TOM1: variants seen among roughly 807,000 people sequenced by gnomAD.
The protein encoded by TOM1 is target of Myb protein 1.
Under a neutral mutation model 61.3 loss-of-function variants are expected in TOM1, and 38 were observed. The ratio of observed to expected loss-of-function variants is 0.62; its 90% CI spans 0.48 to 0.81. TOM1 has a LOEUF of 0.81. TOM1 is among the 40% of genes least tolerant of loss of function. The probability of loss-of-function intolerance (pLI) is 0.00; values close to 1 mark genes in which losing one functional copy is unlikely to be tolerated. For synonymous variants in TOM1, 270 were observed against 268.8 expected (o/e 1.00, Z -0.04); for missense variants, 591 against 659.6 (o/e 0.90, Z 1.14).
intron 1 of TOM1, among the ~76,000 whole-genome samples, chr22:35,312,790 G>T (rs569872293): frequency 6.6e-6 from 1 of 152,200 alleles, no homozygotes. Context: ...AGAGGAAGGG[G>T]GTACAGCTGA....
chr22:35,337,012 T>G, intron 11 of TOM1, among the ~76,000 whole-genome samples: 1 of 148,590 alleles, frequency 6.7e-6, no homozygotes. Flanking sequence ...GCTTGCAGAG[T>G]GCAAGCTCCA....
At position 35,301,277 on chromosome 22, in the gene TOM1, TATACAC is replaced by T. The variant is rs1395595204; in HGVS notation, c.52+1303_52+1308del. 6.0e-5 allele frequency among the ~76,000 whole-genome samples: 9 copies of T among 151,226 alleles called. No individual in the cohort carries two copies. In the East Asian group the frequency reaches 1.2e-3, roughly 20 times the overall value. On this transcript the variant is annotated intron_variant, in intron 1 of 14. Transcript: ENST00000449058. Reference sequence around the variant, plus strand: ...ACACACGCACACATATATATAAAAATATACACATACAAACATACATATACATACACA... The same window carrying T: ...ACACACGCACACATATATATAAAAATATACAAACATACATATACATACACA...
chr22:35,317,194 G>A (rs1485277073), intron 1 of TOM1, among the ~76,000 whole-genome samples: 4 of 151,980 alleles, frequency 2.6e-5, no homozygotes, highest in African/African-American at 9.7e-5. Flanking sequence ...TTTTTTGCTT[G>A]TTTGTTTGTT....
intron 2 of TOM1, among the ~76,000 whole-genome samples, chr22:35,318,759 T>A (rs1927522814): frequency 6.6e-6 from 1 of 152,020 alleles, no homozygotes; most frequent in Admixed American, 6.5e-5. Context: ...TGGGCAGAGG[T>A]GTGGGAGCCG....
intron 8 of TOM1, chr22:35,331,472 G>C: frequency 2.9e-6 from 1 of 350,558 alleles, no homozygotes; most frequent in Non-Finnish European, 5.7e-6. Context: ...GATTGGCTGA[G>C]CTTCATTGTG....
intron 1 of TOM1, among the ~76,000 whole-genome samples, chr22:35,312,423 G>A (rs2145625978): frequency 6.6e-6 from 1 of 152,168 alleles, no homozygotes; most frequent in East Asian, 1.9e-4. Context: ...GGACCTTGCT[G>A]GATTTGCTCA....
intron 9 of TOM1, 67 bp downstream of exon 9, chr22:35,333,081 C>A: frequency 6.6e-7 from 1 of 1,520,078 alleles, no homozygotes. Context: ...CCATTCTCAC[C>A]TCCCTCCCCT....
rs1930569524 is a variant in TOM1, at chr22:35,347,047, TC to T, written c.1325-6del. On this transcript the variant is annotated splice_region_variant and splice_polypyrimidine_tract_variant and intron_variant, in intron 14 of 14. Transcript: ENST00000449058. ...AGGGCCTACCCTCACCCTCTCCCCT[TC>T]CTCTAGAATTTGACAAATTCCTGGA... 1.2e-6 allele frequency: 2 copies of T among 1,604,002 alleles called. No homozygotes were observed. The highest frequency in any genetic ancestry group is 3.4e-5 in the Admixed American group (2 of 59,490).
intron 13 of TOM1, 143 bp from the exon 14 acceptor site, chr22:35,346,787 G>A: frequency 1.3e-6 from 1 of 741,750 alleles, no homozygotes; most frequent in South Asian, 1.8e-5. Context: ...CAGGTCCTGG[G>A]ACCTGGGTGG....
chr22:35,299,889 C>T (rs1476516030), upstream of TOM1: 2 of 1,565,690 alleles, frequency 1.3e-6, no homozygotes, highest in Admixed American at 3.7e-5. Flanking sequence ...CGGTTGCTGT[C>T]AGCTGATTCC....
intron 11 of TOM1, among the ~76,000 whole-genome samples, chr22:35,338,061 C>G (rs927750888): frequency 2.0e-5 from 3 of 152,190 alleles, no homozygotes; most frequent in South Asian, 2.1e-4. Context: ...CTCATCTGCC[C>G]AGCAACTGTG....
chr22:35,323,409 A>C lies in TOM1; in HGVS notation c.367-87A>C. The stretch of plus-strand genomic sequence containing the variant: ...TTAAAAAAAAAAAAAAAGCAGGGAA[A>C]GAATGTCTGTTCTCTGTCTGAGTGC... On this transcript the variant is annotated intron_variant, in intron 4 of 14. Coordinates refer to ENST00000449058, the MANE Select transcript of TOM1 (RefSeq NM_005488.3). The surrounding 1 kb of genome is among the most constrained non-coding windows in gnomAD (Gnocchi z 4.2). 1 of 1,515,472 alleles carries C rather than the reference A, an allele frequency of 6.6e-7. No homozygotes were observed. The highest frequency in any genetic ancestry group is 8.9e-7 in the Non-Finnish European group (1 of 1,129,482). 93.9% of individuals were successfully genotyped at this position (1,515,472 alleles called of 1,614,324 possible).
At position 35,332,996 on chromosome 22, in the gene TOM1, A is replaced by C. The variant is rs576766745; in HGVS notation, c.915A>C (p.Arg305=). 1.2e-6 allele frequency: 2 copies of C among 1,614,224 alleles called. No homozygotes were observed. Among genetic ancestry groups the C allele is most frequent in the South Asian group, 2.2e-5 (2 of 91,088 alleles). The change falls in exon 9 of 15, where the codon CGA becomes CGC. Residue 305 remains arginine, a synonymous_variant. Transcript: ENST00000449058. ...TGTCTTGTAGGTTTGAACGGTTCCG[A>C]ACAGGCCAGACCACCAAGGTAAAAG... ...FLRHERFERF[R]TGQTTKAPSE...
In TOM1 at chr22:35,307,462, G is replaced by A. The variant is rs7286881; in HGVS notation, c.52+7482G>A. Among the ~76,000 whole-genome samples the A allele has an allele frequency of 6.5e-3, 985 of 152,316 alleles. 8 individuals carry two copies. The highest frequency in any genetic ancestry group is 0.031 in the Middle Eastern group (9 of 294). ...GCTCATTTTGATCACTGGGACGTAA[G>A]CAGCCTGAAATGGGGTCACAGCTTA... On this transcript the variant is annotated intron_variant, in intron 1 of 14. Transcript: ENST00000449058.
intron 1 of TOM1, among the ~76,000 whole-genome samples, chr22:35,312,239 G>A (rs1056923148): frequency 6.5e-5 from 8 of 123,070 alleles, no homozygotes; most frequent in East Asian, 2.3e-4. Context: ...ACAAGACTCC[G>A]TCTCAAAAAA....
intron 11 of TOM1, among the ~76,000 whole-genome samples, chr22:35,338,425 A>G (rs1414301644): frequency 6.6e-6 from 1 of 152,066 alleles, no homozygotes; most frequent in African/African-American, 2.4e-5. Flanking sequence ...CACTGGAGCT[A>G]TTTATCAGTC....
rs566792976 is a variant in TOM1, at chr22:35,345,772, G to A, written c.1272G>A (p.Leu424=). ...ACLMEDIEQW[L]STDVGNDAEE... The stretch of plus-strand genomic sequence containing the variant: ...TCATGGAGGACATCGAGCAGTGGCT[G>A]TCCACTGACGTGGTATGTTGGGGCC... Residue 424 remains leucine, a synonymous_variant, in exon 13 of 15, where the codon CTG becomes CTA. Transcript: ENST00000449058. 1.6e-4 allele frequency: 251 copies of A among 1,614,094 alleles called. 1 individual carries two copies. In the African/African-American group the frequency reaches 2.9e-3, roughly 19 times the overall value.
At chr22:35,305,673 A>T (rs1195469501) in intron 1 of TOM1, among the ~76,000 whole-genome samples, 6 of 140,842 alleles carry the variant, frequency 4.3e-5, no homozygotes, top group Non-Finnish European at 8.0e-5. Flanking sequence ...AAAAAAAAAA[A>T]ACTGATGGGT....
At chr22:35,305,549 A>G (rs1315103690) in intron 1 of TOM1, among the ~76,000 whole-genome samples, 1 of 152,150 alleles carries the variant, frequency 6.6e-6, no homozygotes, top group East Asian at 1.9e-4. Context: ...AGTCCCAGCA[A>G]CTTGGGAGGC....
Sources: allele counts gnomAD v4.1 joint callset (sites outside exome capture counted in the v4.1 genomes callset), GRCh38; gene constraint gnomAD v4.1.1; non-coding constraint Gnocchi (gnomAD v3.1); transcripts MANE v1.5; gene names NCBI Gene and HGNC (gene_info 2026-07-23, HGNC 2026-07-21).